ALK: variants seen among roughly 807,000 people sequenced by gnomAD.
ALK encodes the protein ALK tyrosine kinase receptor.
In ALK, 74 loss-of-function variants were observed where a neutral mutation model predicts 163.1. That is an observed-to-expected ratio of 0.45 (90% CI 0.38 to 0.55). The LOEUF is 0.55. Among genes scored for constraint, ALK ranks in the 20% least tolerant of loss-of-function variants. The pLI, the probability that ALK is intolerant of heterozygous loss-of-function variation, is 0.00. For missense variants in ALK, 2,063 were observed against 2,105.3 expected (o/e 0.98, Z 0.39); for synonymous variants, 960 against 843.2 (o/e 1.14, Z -2.40).
At chr2:29,200,305 G>GT (rs1669125190) in intron 26 of ALK, among the ~76,000 whole-genome samples, 1 of 152,142 alleles carries the variant, frequency 6.6e-6, no homozygotes, top group African/African-American at 2.4e-5. Flanking sequence ...ATAGATATAG[G>GT]TTATAGCATC....
At chr2:29,231,270 A>G (rs1267799539) in intron 15 of ALK, among the ~76,000 whole-genome samples, 1 of 152,224 alleles carries the variant, frequency 6.6e-6, no homozygotes, top group African/African-American at 2.4e-5. Flanking sequence ...CCTGCAAGTC[A>G]GAGGTGGCAT....
intron 4 of ALK, among the ~76,000 whole-genome samples, chr2:29,425,529 G>T (rs1252401409): frequency 6.6e-6 from 1 of 152,168 alleles, no homozygotes; most frequent in Admixed American, 6.5e-5. Context: ...GGCTCCAGTT[G>T]CCCTCACCAC....
At chr2:29,705,557 G>C (rs1040783263) in intron 2 of ALK, among the ~76,000 whole-genome samples, 5 of 151,820 alleles carry the variant, frequency 3.3e-5, no homozygotes, top group African/African-American at 4.8e-5. Context: ...GCTGGGAGAG[G>C]CACCAGAGTG....
chr2:29,347,974 A>G (rs1241410062), intron 5 of ALK, among the ~76,000 whole-genome samples: 1 of 152,158 alleles, frequency 6.6e-6, no homozygotes, highest in Non-Finnish European at 1.5e-5. Context: ...CTGGGACTAC[A>G]CCTTAAGAAC....
intron 1 of ALK, among the ~76,000 whole-genome samples, chr2:29,877,514 G>C (rs1572461086): frequency 6.6e-6 from 1 of 152,112 alleles, no homozygotes; most frequent in African/African-American, 2.4e-5. Flanking sequence ...TTTCTGTTTG[G>C]TTCACTGCTG....
chr2:29,491,121 A>G (rs552351494), intron 4 of ALK, among the ~76,000 whole-genome samples: 5 of 152,348 alleles, frequency 3.3e-5, no homozygotes, highest in Admixed American at 6.5e-5. Context: ...TCCTTAATAA[A>G]CATTATCTTA....
chr2:29,391,316 T>G (rs960932341), intron 4 of ALK, among the ~76,000 whole-genome samples: 242 of 104,544 alleles, frequency 2.3e-3, no homozygotes, highest in Admixed American at 5.2e-3. Context: ...GGGGGGGGGG[T>G]GGTGGTGTGG....
At chr2:29,536,997 G>A (rs369414303) in intron 3 of ALK, among the ~76,000 whole-genome samples, 1 of 152,156 alleles carries the variant, frequency 6.6e-6, no homozygotes, top group East Asian at 1.9e-4. Flanking sequence ...GCTTCTAACA[G>A]TCTATGATCA....
At chr2:29,399,052 A>C (rs948736814) in intron 4 of ALK, among the ~76,000 whole-genome samples, 1 of 152,148 alleles carries the variant, frequency 6.6e-6, no homozygotes, top group African/African-American at 2.4e-5. Flanking sequence ...ATGTCATCCA[A>C]GTGGTGACGG....
chr2:29,749,424 C>A (rs757312272), intron 1 of ALK, among the ~76,000 whole-genome samples: 2 of 152,166 alleles, frequency 1.3e-5, no homozygotes, highest in African/African-American at 2.4e-5. Flanking sequence ...TGCTAAGCAC[C>A]CACTCAGAGA....
intron 1 of ALK, among the ~76,000 whole-genome samples, chr2:29,824,463 G>A (rs1057437618): frequency 3.3e-5 from 5 of 152,230 alleles, no homozygotes; most frequent in Admixed American, 2.0e-4. Flanking sequence ...ATGCCAGCTA[G>A]TGAAGGCAGC....
intron 1 of ALK, among the ~76,000 whole-genome samples, chr2:29,888,764 C>T (rs977184561): frequency 6.6e-6 from 1 of 152,128 alleles, no homozygotes; most frequent in Admixed American, 6.5e-5. Context: ...GCATCTTTTA[C>T]ATTTTCATTG....
intron 4 of ALK, among the ~76,000 whole-genome samples, chr2:29,396,620 A>C (rs952329596): frequency 3.9e-5 from 6 of 152,040 alleles, no homozygotes; most frequent in Admixed American, 3.9e-4. Flanking sequence ...AGTTACAGTG[A>C]GCTGAGATTG....
At position 29,644,317 on chromosome 2, in the gene ALK, A is replaced by G. The variant is rs146353475; in HGVS notation, c.952+50533T>C. On this transcript the variant is annotated intron_variant, in intron 3 of 28. Coordinates refer to ENST00000389048, the MANE Select transcript of ALK (RefSeq NM_004304.5). Reference sequence around the variant, plus strand: ...AAAGTTAAATGATGAGTTAATGGGTACAGCACACCAACATGGCACATGTTT... The same window carrying G: ...AAAGTTAAATGATGAGTTAATGGGTGCAGCACACCAACATGGCACATGTTT... Among the ~76,000 whole-genome samples, 74 of 151,968 alleles carry G rather than the reference A, an allele frequency of 4.9e-4. 1 individual carries two copies. In the East Asian group the frequency reaches 0.013, roughly 26 times the overall value.
At chr2:29,336,877 G>A (rs1386948212) in intron 5 of ALK, among the ~76,000 whole-genome samples, 1 of 152,116 alleles carries the variant, frequency 6.6e-6, no homozygotes, top group Non-Finnish European at 1.5e-5. Flanking sequence ...GTTAAAGGAG[G>A]AAATTTGAGT....
chr2:29,411,827 C>T (rs1669731684), intron 4 of ALK, among the ~76,000 whole-genome samples: 1 of 152,194 alleles, frequency 6.6e-6, no homozygotes, highest in African/African-American at 2.4e-5. Context: ...TATTTGCCAT[C>T]TCAGCTTACA....
At chr2:29,264,882 G>A (rs1287657365) in intron 11 of ALK, among the ~76,000 whole-genome samples, 3 of 152,180 alleles carry the variant, frequency 2.0e-5, no homozygotes, top group Non-Finnish European at 4.4e-5. Flanking sequence ...CGCATGATTG[G>A]AAGGGGTTGG....
chr2:29,597,710 T>C (rs1423549393), intron 3 of ALK, among the ~76,000 whole-genome samples: 1 of 152,210 alleles, frequency 6.6e-6, no homozygotes, highest in Non-Finnish European at 1.5e-5. Flanking sequence ...TTTTAATATG[T>C]ACAGCTGCTT....
chr2:29,207,689 T>C (rs898105289), intron 25 of ALK, among the ~76,000 whole-genome samples: 3 of 152,258 alleles, frequency 2.0e-5, no homozygotes, highest in African/African-American at 7.2e-5. Flanking sequence ...CTTAATCATT[T>C]TGGATCCTCT....
Sources: allele counts gnomAD v4.1 joint callset (sites outside exome capture counted in the v4.1 genomes callset), GRCh38; gene constraint gnomAD v4.1.1; transcripts MANE v1.5; gene names NCBI Gene and HGNC (gene_info 2026-07-23, HGNC 2026-07-21).